Variants in CAMTA1 observed in about 807,000 individuals in gnomAD.
CAMTA1 encodes calmodulin binding transcription activator 1.
Under a neutral mutation model 170.9 loss-of-function variants are expected in CAMTA1, and 27 were observed. The observed-to-expected ratio is 0.16, with a 90% CI of 0.12 to 0.22. The LOEUF (loss-of-function observed/expected upper bound fraction) is 0.22. Ranked by LOEUF, CAMTA1 falls within the 10% of genes least tolerant of loss-of-function variation. The pLI, the probability that CAMTA1 is intolerant of heterozygous loss-of-function variation, is 1.00. For missense variants in CAMTA1, 1,619 were observed against 2,217.2 expected (o/e 0.73, Z 5.42); for synonymous variants, 833 against 891.5 (o/e 0.93, Z 1.17).
intron 5 of CAMTA1, among the ~76,000 whole-genome samples, chr1:7,408,554 G>A (rs763161): frequency 0.69 from 105,142 of 152,096 alleles, 37,002 homozygotes; most frequent in Middle Eastern, 0.78. Flanking sequence ...GTAGGGAGGA[G>A]GAAGCCACCC....
At chr1:6,803,277 G>C (rs1434983040) in intron 1 of CAMTA1, among the ~76,000 whole-genome samples, 1 of 152,212 alleles carries the variant, frequency 6.6e-6, no homozygotes, top group Non-Finnish European at 1.5e-5. Context: ...GTAAGAATGG[G>C]AGACGTTGCC....
intron 5 of CAMTA1, among the ~76,000 whole-genome samples, chr1:7,298,687 A>G (rs1674335345): frequency 6.6e-6 from 1 of 152,162 alleles, no homozygotes; most frequent in Non-Finnish European, 1.5e-5. Flanking sequence ...ATTTTGTAAT[A>G]TATATTTACC....
chr1:7,387,854 A>C (rs2088188914), intron 5 of CAMTA1, among the ~76,000 whole-genome samples: 1 of 152,192 alleles, frequency 6.6e-6, no homozygotes, highest in Admixed American at 6.5e-5. Context: ...AACACAATTG[A>C]TCTTTGCTTT....
intron 1 of CAMTA1, among the ~76,000 whole-genome samples, chr1:6,791,412 A>G (rs1641068676): frequency 6.6e-6 from 1 of 152,200 alleles, no homozygotes; most frequent in South Asian, 2.1e-4. Flanking sequence ...GTAACTAGAT[A>G]GCATCTCTAG....
At chr1:6,862,479 G>A (rs1665112744) in intron 3 of CAMTA1, among the ~76,000 whole-genome samples, 1 of 152,188 alleles carries the variant, frequency 6.6e-6, no homozygotes, top group East Asian at 1.9e-4. Flanking sequence ...CATGAACATA[G>A]GTGTAAAATC....
At chr1:7,225,112 T>C (rs1399710613) in intron 4 of CAMTA1, among the ~76,000 whole-genome samples, 3 of 150,128 alleles carry the variant, frequency 2.0e-5, no homozygotes, top group East Asian at 2.0e-4. Flanking sequence ...TGAGATGGAG[T>C]CTTGCTCTTT....
At chr1:7,709,359 T>C (rs1035867765) in intron 11 of CAMTA1, among the ~76,000 whole-genome samples, 57 of 152,180 alleles carry the variant, frequency 3.7e-4, no homozygotes, top group Non-Finnish European at 6.2e-4. Flanking sequence ...TGTAATGAAA[T>C]GTGTTTCTTC....
chr1:7,012,238 C>G (rs114079550), intron 3 of CAMTA1, among the ~76,000 whole-genome samples: 1 of 152,124 alleles, frequency 6.6e-6, no homozygotes, highest in Non-Finnish European at 1.5e-5. Flanking sequence ...TAAGTACCTT[C>G]ACCCTCTCTC....
chr1:7,449,902 A>G (rs912678838), intron 5 of CAMTA1, among the ~76,000 whole-genome samples: 3 of 151,988 alleles, frequency 2.0e-5, no homozygotes, highest in African/African-American at 7.2e-5. Flanking sequence ...TGCAGCCCCC[A>G]GGGGAGAAAG....
intron 11 of CAMTA1, among the ~76,000 whole-genome samples, chr1:7,717,767 G>A (rs1330774779): frequency 6.6e-6 from 1 of 152,012 alleles, no homozygotes; most frequent in Admixed American, 6.6e-5. Flanking sequence ...ATTCTTATTA[G>A]CTAAAAGGTG....
intron 3 of CAMTA1, among the ~76,000 whole-genome samples, chr1:6,842,660 C>A (rs982004733): frequency 6.6e-6 from 1 of 152,176 alleles, no homozygotes; most frequent in Non-Finnish European, 1.5e-5. Flanking sequence ...GCGGCTCATA[C>A]CTGTAAATCC....
At chr1:7,553,190 A>G (rs2094828030) in intron 6 of CAMTA1, among the ~76,000 whole-genome samples, 1 of 152,234 alleles carries the variant, frequency 6.6e-6, no homozygotes, top group Non-Finnish European at 1.5e-5. Context: ...TGAATGAATG[A>G]GTGAATGCAT....
intron 3 of CAMTA1, among the ~76,000 whole-genome samples, chr1:6,909,680 G>A (rs2149263580): frequency 6.6e-6 from 1 of 152,378 alleles, no homozygotes; most frequent in South Asian, 2.1e-4. Context: ...ACTGGAGCAG[G>A]TGGGGTGACC....
At chr1:7,470,403 G>C (rs2093309214) in intron 6 of CAMTA1, among the ~76,000 whole-genome samples, 1 of 152,240 alleles carries the variant, frequency 6.6e-6, no homozygotes, top group Non-Finnish European at 1.5e-5. Flanking sequence ...ATGTTAAATA[G>C]GAAAGAAGCC....
In CAMTA1 at chr1:7,089,622, G is replaced by C. The variant is rs573011070; in HGVS notation, c.235-1682G>C. 6.3e-5 allele frequency among the ~76,000 whole-genome samples: 9 copies of C among 142,436 alleles called. No individual in the cohort carries two copies. In the South Asian group the frequency reaches 2.2e-3, roughly 35 times the overall value. The allele number at this position is 142,436 out of a possible 152,430, so 93.4% of individuals were successfully genotyped here. ...CATCTGTCTAACAAACACTTATCAG[G>C]TGCTTCCTATGTGCCTCAGGACACT... On this transcript the variant is annotated intron_variant, in intron 3 of 22. Coordinates refer to ENST00000303635, the MANE Select transcript of CAMTA1 (RefSeq NM_015215.4).
chr1:6,831,211 T>C (rs1466611243), intron 3 of CAMTA1, among the ~76,000 whole-genome samples: 1 of 152,194 alleles, frequency 6.6e-6, no homozygotes, highest in Non-Finnish European at 1.5e-5. Context: ...GTGTGTAACT[T>C]GAGCATTAAG....
At chr1:7,418,108 C>A (rs1359251165) in intron 5 of CAMTA1, among the ~76,000 whole-genome samples, 1 of 23,816 alleles carries the variant, frequency 4.2e-5, no homozygotes, top group East Asian at 0.011. Flanking sequence ...TTCCTCCTAC[C>A]CCTTGGTTTC....
chr1:7,364,445 CTCTT>C (rs1282287128), intron 5 of CAMTA1, among the ~76,000 whole-genome samples: 42 of 94,862 alleles, frequency 4.4e-4, no homozygotes, highest in African/African-American at 1.2e-3. Flanking sequence ...TCCCTTGTGA[CTCTT>C]TTTTTTTTTT....
intron 6 of CAMTA1, among the ~76,000 whole-genome samples, chr1:7,493,038 AAC>A (rs770332958): frequency 1.1e-4 from 16 of 143,906 alleles, no homozygotes; most frequent in Non-Finnish European, 1.5e-4. Flanking sequence ...CGCACACACA[AAC>A]ACAAACCTAC....
Sources: gnomAD v4.1 joint callset for allele counts (sites outside exome capture counted in the v4.1 genomes callset) on GRCh38, gnomAD v4.1.1 for gene constraint, MANE v1.5 for transcripts, NCBI Gene and HGNC (gene_info 2026-07-23, HGNC 2026-07-21) for gene names.